Variants in MTHFS observed in about 807,000 individuals in gnomAD.
MTHFS encodes the protein methenyltetrahydrofolate synthetase.
A neutral mutation model predicts 12.7 loss-of-function variants in MTHFS; 7 were observed. The observed-to-expected ratio is 0.55, with a 90% CI of 0.31 to 1.03. The LOEUF is 1.03. MTHFS is among the 50% of genes least tolerant of loss of function. The pLI is 0.05. For synonymous variants in MTHFS, 100 were observed against 97.1 expected (o/e 1.03, Z -0.18); for missense variants, 252 against 258.1 (o/e 0.98, Z 0.16).
rs181408144 is a variant in MTHFS, at chr15:79,861,594, T to C, written c.380-16152A>G. ...TAGCCATTTCATGGATAGATGTTGA[T>C]CCCATGGACTTACTTGCATAACTAT... On this transcript the variant is annotated intron_variant, in intron 2 of 2. Coordinates refer to ENST00000258874, the MANE Select transcript of MTHFS (RefSeq NM_006441.4). Among the ~76,000 whole-genome samples the C allele has an allele frequency of 1.2e-3, 182 of 152,324 alleles. 1 individual carries two copies. The highest frequency in any genetic ancestry group is 4.2e-3 in the African/African-American group (176 of 41,566).
chr15:79,870,864 C>T (rs1234246186), intron 2 of MTHFS, among the ~76,000 whole-genome samples: 4 of 152,116 alleles, frequency 2.6e-5, no homozygotes, highest in East Asian at 1.9e-4. Context: ...GCACATTGGC[C>T]GGGCGTGGTG....
intron 2 of MTHFS, among the ~76,000 whole-genome samples, chr15:79,856,261 A>C (rs1182026226): frequency 6.6e-6 from 1 of 152,192 alleles, no homozygotes; most frequent in Admixed American, 6.5e-5. Flanking sequence ...TATTTCTCTT[A>C]TGATGAAAAA....
At chr15:79,871,187 C>T (rs559549084) in intron 2 of MTHFS, among the ~76,000 whole-genome samples, 1 of 152,004 alleles carries the variant, frequency 6.6e-6, no homozygotes, top group African/African-American at 2.4e-5. Flanking sequence ...TTGTCTTTCA[C>T]AGGGGTAAGG....
At chr15:79,848,461 A>G (rs2033657799) in intron 2 of MTHFS, among the ~76,000 whole-genome samples, 1 of 152,186 alleles carries the variant, frequency 6.6e-6, no homozygotes, top group Admixed American at 6.5e-5. Context: ...TTTCCCAGAC[A>G]CTTACAACTT....
chr15:79,886,924 C>T (rs1390773973), intron 2 of MTHFS, among the ~76,000 whole-genome samples: 2 of 152,136 alleles, frequency 1.3e-5, no homozygotes, highest in Non-Finnish European at 2.9e-5. Context: ...TCGATAGCTC[C>T]TATGTGACAA....
At chr15:79,878,523 T>C (rs938362472) in intron 2 of MTHFS, among the ~76,000 whole-genome samples, 1 of 148,466 alleles carries the variant, frequency 6.7e-6, no homozygotes, top group Non-Finnish European at 1.5e-5. Context: ...TTTGCCGTAG[T>C]GCCTAGCAAG....
At chr15:79,880,643 T>C (rs1326113555) in intron 2 of MTHFS, among the ~76,000 whole-genome samples, 1 of 152,094 alleles carries the variant, frequency 6.6e-6, no homozygotes, top group Non-Finnish European at 1.5e-5. Context: ...AGACTATTTA[T>C]ATGTTTCTCT....
intron 1 of MTHFS, among the ~76,000 whole-genome samples, chr15:79,891,066 A>C (rs1379750001): frequency 6.6e-6 from 1 of 152,236 alleles, no homozygotes; most frequent in African/African-American, 2.4e-5. Context: ...AAAAAAAGAA[A>C]ATCCATTAGA....
At chr15:79,886,927 T>C (rs2034392633) in intron 2 of MTHFS, among the ~76,000 whole-genome samples, 1 of 152,200 alleles carries the variant, frequency 6.6e-6, no homozygotes, top group Non-Finnish European at 1.5e-5. Flanking sequence ...ATAGCTCCTA[T>C]GTGACAAATG....
At position 79,843,834 on chromosome 15, in the gene MTHFS, C is replaced by G. The variant is rs934897321; in HGVS notation, c.*1376G>C. 4.6e-5 allele frequency: 7 copies of G among 152,220 alleles called. No individual in the cohort carries two copies. Among genetic ancestry groups the G allele is most frequent in the African/African-American group, 1.7e-4 (7 of 41,450 alleles). 9.4% of individuals were successfully genotyped at this position (152,220 alleles called of 1,614,324 possible). A position where few individuals can be genotyped will look rare whatever the true frequency, so the allele number is the denominator to read the frequency against. On this transcript the variant is annotated 3_prime_UTR_variant, in exon 3 of 3. Coordinates refer to ENST00000258874, the MANE Select transcript of MTHFS (RefSeq NM_006441.4). ...ATAAGCACATCAATGGCCAAGGCCA[C>G]TCAGACAAGGGAAGGAACACTCACT...
chr15:79,889,423 CT>C (rs754478840), intron 1 of MTHFS, 69 bp from the exon 2 acceptor site: 122 of 1,433,344 alleles, frequency 8.5e-5, no homozygotes, highest in Non-Finnish European at 1.1e-4. Context: ...ACAATTCCTC[CT>C]TTCTCTCTCA....
At chr15:79,879,192 T>C (rs1454293472) in intron 2 of MTHFS, among the ~76,000 whole-genome samples, 2 of 152,140 alleles carry the variant, frequency 1.3e-5, no homozygotes, top group African/African-American at 4.8e-5. Context: ...AAATGACCAG[T>C]ACTTCCCAAA....
intron 2 of MTHFS, among the ~76,000 whole-genome samples, chr15:79,863,628 T>C (rs1259377182): frequency 6.6e-6 from 1 of 152,230 alleles, no homozygotes; most frequent in African/African-American, 2.4e-5. Flanking sequence ...GGTAGTTATG[T>C]ATGACCTTGT....
At chr15:79,864,630 G>A (rs190306775) in intron 2 of MTHFS, among the ~76,000 whole-genome samples, 188 of 142,444 alleles carry the variant, frequency 1.3e-3, no homozygotes, top group African/African-American at 4.4e-3. Context: ...ACCTGTACAC[G>A]CTTTCTGGTG....
chr15:79,846,863 C>T (rs947948487), intron 2 of MTHFS, among the ~76,000 whole-genome samples: 3 of 152,216 alleles, frequency 2.0e-5, no homozygotes, highest in Non-Finnish European at 4.4e-5. Context: ...ATACCTAGAA[C>T]ACACAATGCG....
chr15:79,869,425 G>C (rs2034066183), intron 2 of MTHFS, among the ~76,000 whole-genome samples: 1 of 152,124 alleles, frequency 6.6e-6, no homozygotes, highest in African/African-American at 2.4e-5. Flanking sequence ...TCTGAGATTT[G>C]TAACAATTGC....
chr15:79,861,741 T>C (rs1349830835), intron 2 of MTHFS, among the ~76,000 whole-genome samples: 2 of 152,262 alleles, frequency 1.3e-5, no homozygotes, highest in South Asian at 2.1e-4. Flanking sequence ...ATCAATGCTA[T>C]GTAACCACTT....
chr15:79,889,031 C>G (rs1434513904), intron 2 of MTHFS, 62 bp downstream of exon 2: 1 of 1,584,698 alleles, frequency 6.3e-7, no homozygotes. Flanking sequence ...ACACATAACC[C>G]GTGGATCTGA....
At chr15:79,866,816 G>T (rs2034019975) in intron 2 of MTHFS, among the ~76,000 whole-genome samples, 1 of 152,064 alleles carries the variant, frequency 6.6e-6, no homozygotes, top group South Asian at 2.1e-4. Context: ...AGCTGGGCAT[G>T]GTGGTGGCAG....
Sources: gnomAD v4.1 joint callset for allele counts (sites outside exome capture counted in the v4.1 genomes callset) on GRCh38, gnomAD v4.1.1 for gene constraint, MANE v1.5 for transcripts, NCBI Gene and HGNC (gene_info 2026-07-23, HGNC 2026-07-21) for gene names.